GRID1: variants seen among roughly 807,000 people sequenced by gnomAD.
GRID1 encodes the protein glutamate ionotropic receptor delta type subunit 1.
In GRID1, 28 loss-of-function variants were observed where a neutral mutation model predicts 98.0. The observed-to-expected ratio is 0.29, with a 90% CI of 0.21 to 0.39. GRID1 has a LOEUF of 0.39. GRID1 is among the 10% of genes least tolerant of loss of function. The pLI is 1.00. For missense variants in GRID1, 1,111 were observed against 1,340.5 expected, an observed-to-expected ratio of 0.83 and a Z score of 2.67; for synonymous variants, 553 against 538.5, an observed-to-expected ratio of 1.03 and a Z score of -0.37.
At chr10:85,699,297 TC>T (rs765219113) in intron 12 of GRID1, among the ~76,000 whole-genome samples, 7 of 152,080 alleles carry the variant, frequency 4.6e-5, no homozygotes, top group Non-Finnish European at 1.0e-4. Context: ...TAGGTGATCC[TC>T]CCGCCTCGGC....
intron 4 of GRID1, among the ~76,000 whole-genome samples, chr10:86,006,260 G>A (rs1311763436): frequency 6.6e-6 from 1 of 152,086 alleles, no homozygotes; most frequent in Non-Finnish European, 1.5e-5. Flanking sequence ...ATCCACTTGG[G>A]AAAAAAGGTT....
At chr10:86,075,902 C>T (rs148110277) in intron 4 of GRID1, among the ~76,000 whole-genome samples, 314 of 152,328 alleles carry the variant, frequency 2.1e-3, no homozygotes, top group African/African-American at 7.0e-3. Flanking sequence ...CCCCAGCACA[C>T]GAATGGCTGG....
chr10:85,765,180 A>G (rs930875519), intron 8 of GRID1, among the ~76,000 whole-genome samples: 6 of 152,202 alleles, frequency 3.9e-5, no homozygotes, highest in Non-Finnish European at 5.9e-5. Flanking sequence ...TAACTAGTCC[A>G]TGGTCACACA....
At chr10:85,976,808 C>T (rs1021101588) in intron 4 of GRID1, among the ~76,000 whole-genome samples, 1 of 152,206 alleles carries the variant, frequency 6.6e-6, no homozygotes, top group African/African-American at 2.4e-5. Flanking sequence ...GACTGACAGT[C>T]TTCAAAGGCC....
At chr10:86,074,542 T>C (rs1843853024) in intron 4 of GRID1, among the ~76,000 whole-genome samples, 1 of 152,236 alleles carries the variant, frequency 6.6e-6, no homozygotes. Flanking sequence ...TTTCATTCTT[T>C]TTATGGCTGA....
At chr10:85,709,141 T>C in intron 12 of GRID1, 1 of 335,732 alleles carries the variant, frequency 3.0e-6, no homozygotes, top group Non-Finnish European at 6.0e-6. Flanking sequence ...TGTCAGGTGC[T>C]GCAGAGCATT....
At chr10:85,842,309 C>T (rs559309889) in intron 8 of GRID1, among the ~76,000 whole-genome samples, 22 of 151,856 alleles carry the variant, frequency 1.4e-4, no homozygotes, top group African/African-American at 4.1e-4. Context: ...CACACTGAGG[C>T]CTATTGGAGA....
At chr10:85,748,631 T>G (rs372751263) in intron 8 of GRID1, among the ~76,000 whole-genome samples, 125 of 152,326 alleles carry the variant, frequency 8.2e-4, no homozygotes, top group African/African-American at 2.5e-3. Context: ...TTCCTTAAAT[T>G]AGAACACATA....
At chr10:86,051,220 A>G (rs1206588379) in intron 4 of GRID1, among the ~76,000 whole-genome samples, 1 of 151,740 alleles carries the variant, frequency 6.6e-6, no homozygotes, top group East Asian at 1.9e-4. Context: ...TCACATATAC[A>G]CAAGATTTTA....
At chr10:85,993,623 G>C (rs951214346) in intron 4 of GRID1, among the ~76,000 whole-genome samples, 1 of 152,104 alleles carries the variant, frequency 6.6e-6, no homozygotes, top group African/African-American at 2.4e-5. Context: ...AGGTACCCCA[G>C]CCAGGGCCCA....
chr10:85,722,696 AT>A, intron 12 of GRID1, among the ~76,000 whole-genome samples: 1 of 152,318 alleles, frequency 6.6e-6, no homozygotes, highest in South Asian at 2.1e-4. Flanking sequence ...TAAAATTTTG[AT>A]TAAATAAGTT....
intron 8 of GRID1, among the ~76,000 whole-genome samples, chr10:85,821,503 C>A (rs1274580199): frequency 1.2e-5 from 1 of 83,596 alleles, no homozygotes; most frequent in African/African-American, 4.7e-5. Context: ...GGTGACAGAG[C>A]AAGACTTCAT....
chr10:85,998,775 A>G (rs1026437884), intron 4 of GRID1, among the ~76,000 whole-genome samples: 2 of 152,220 alleles, frequency 1.3e-5, no homozygotes, highest in African/African-American at 2.4e-5. Context: ...GAAAGAAAAG[A>G]CACAAATAAC....
intron 4 of GRID1, among the ~76,000 whole-genome samples, chr10:86,043,416 G>A (rs1283442448): frequency 6.6e-6 from 1 of 152,222 alleles, no homozygotes; most frequent in Non-Finnish European, 1.5e-5. Context: ...GCACCTGGAG[G>A]AAGCCAGGGA....
At chr10:85,821,926 A>G (rs532022517) in intron 8 of GRID1, among the ~76,000 whole-genome samples, 7 of 152,312 alleles carry the variant, frequency 4.6e-5, no homozygotes, top group Admixed American at 2.0e-4. Context: ...GACAAAAACA[A>G]GAAATGGGGA....
intron 8 of GRID1, among the ~76,000 whole-genome samples, chr10:85,795,008 C>T (rs569511256): frequency 1.3e-5 from 2 of 152,158 alleles, no homozygotes; most frequent in South Asian, 4.2e-4. Flanking sequence ...TATAAAGACA[C>T]AGAAATGATG....
chr10:85,916,511 C>T lies in GRID1; in HGVS notation c.727-272G>A, dbSNP rs145069697. On this transcript the variant is annotated intron_variant, in intron 4 of 15. Transcript: ENST00000327946. This position sits in a 1 kb window ranked among gnomAD's most constrained non-coding sequence, Gnocchi z 4.0. ...GGTTCCTGCAGGCAGCACAGGGTCA[C>T]AGGCACAGGCACAGGCACAGCCCCC... Among the ~76,000 whole-genome samples the T allele has an allele frequency of 6.6e-6, 1 of 152,314 alleles. No individual in the cohort carries two copies. Among genetic ancestry groups the T allele is most frequent in the African/African-American group, 2.4e-5 (1 of 41,576 alleles).
chr10:86,359,076 G>C (rs554841876), intron 2 of GRID1, among the ~76,000 whole-genome samples: 2 of 152,316 alleles, frequency 1.3e-5, no homozygotes, highest in South Asian at 4.1e-4. Flanking sequence ...CTTCTGACCT[G>C]CAGAACTGCA....
intron 12 of GRID1, among the ~76,000 whole-genome samples, chr10:85,694,811 G>A (rs1841375757): frequency 6.7e-6 from 1 of 148,216 alleles, no homozygotes; most frequent in African/African-American, 2.5e-5. Context: ...ACTTGGAAAA[G>A]TGGGAGGGTG....
Sources: gnomAD v4.1 joint callset for allele counts (sites outside exome capture counted in the v4.1 genomes callset) on GRCh38, gnomAD v4.1.1 for gene constraint, Gnocchi (gnomAD v3.1) non-coding constraint, MANE v1.5 for transcripts, NCBI Gene and HGNC (gene_info 2026-07-23, HGNC 2026-07-21) for gene names.